MAML2: variants seen among roughly 807,000 people sequenced by gnomAD.
MAML2 encodes the protein mastermind like transcriptional coactivator 2.
Under a neutral mutation model 96.1 loss-of-function variants are expected in MAML2, and 22 were observed. The ratio of observed to expected loss-of-function variants is 0.23; its 90% CI spans 0.16 to 0.33. The LOEUF is 0.33. Ranked by LOEUF, MAML2 falls within the 10% of genes least tolerant of loss-of-function variation. The pLI is 1.00. For synonymous variants in MAML2, 561 were observed against 521.3 expected (o/e 1.08, Z -1.04); for missense variants, 1,367 against 1,392.4 (o/e 0.98, Z 0.29).
rs1175907999 is a variant in MAML2, at chr11:96,092,881, G to A, written c.1150C>T (p.Pro384Ser). The change falls in exon 2 of 5, where the codon CCC becomes TCC. Residue 384 changes from proline to serine, a missense_variant. Coordinates refer to ENST00000524717, the MANE Select transcript of MAML2 (RefSeq NM_032427.4). The surrounding 1 kb of genome is among the most constrained non-coding windows in gnomAD (Gnocchi z 4.1). ...QGPSGSPQLR[P>S]PSAGPAFSMA... ...GAGAATGCGGGGCCAGCTGATGGGG[G>A]CCTCAGCTGAGGAGAGCCTGAGGGG... 5 of 1,605,126 alleles carry A rather than the reference G, an allele frequency of 3.1e-6. No individual in the cohort carries two copies. Among genetic ancestry groups the A allele is most frequent in the Non-Finnish European group, 4.3e-6 (5 of 1,175,264 alleles).
intron 1 of MAML2, among the ~76,000 whole-genome samples, chr11:96,260,766 CTGTT>C (rs1862738393): frequency 6.6e-6 from 1 of 150,470 alleles, no homozygotes. Context: ...ATTTCTTACA[CTGTT>C]AGTCAGTTTT....
intron 2 of MAML2, among the ~76,000 whole-genome samples, chr11:96,009,056 G>A (rs1858229410): frequency 6.6e-6 from 1 of 152,128 alleles, no homozygotes; most frequent in Non-Finnish European, 1.5e-5. Context: ...AATATTTTGA[G>A]AGTTAACTAA....
intron 2 of MAML2, among the ~76,000 whole-genome samples, chr11:96,043,222 G>T (rs1487613133): frequency 6.6e-6 from 1 of 152,200 alleles, no homozygotes; most frequent in East Asian, 1.9e-4. Context: ...GAACACAAAA[G>T]ATCAGACACA....
Position 96,184,845 on chromosome 11 carries a change from C to T in MAML2, c.514-91328G>A, listed in dbSNP as rs189685831. 3.6e-4 allele frequency among the ~76,000 whole-genome samples: 55 copies of T among 152,186 alleles called. No homozygotes were observed. The East Asian group carries it at 9.7e-3, about 27-fold the overall frequency. On this transcript the variant is annotated intron_variant, in intron 1 of 4. Transcript: ENST00000524717. The stretch of plus-strand genomic sequence containing the variant: ...ACCTCGTGATCCAAAAGTGAGACCT[C>T]GGCCTCCCAAAGTGCTGGGATTACA...
chr11:96,266,600 G>T (rs1380796246), intron 1 of MAML2, among the ~76,000 whole-genome samples: 1 of 151,928 alleles, frequency 6.6e-6, no homozygotes, highest in Non-Finnish European at 1.5e-5. Flanking sequence ...CAACATATTG[G>T]TGCGATTCTG....
chr11:96,052,857 C>T (rs1198374234), intron 2 of MAML2, among the ~76,000 whole-genome samples: 1 of 152,216 alleles, frequency 6.6e-6, no homozygotes, highest in African/African-American at 2.4e-5. Flanking sequence ...TCCCTGGCTT[C>T]TTTGCCTAGA....
intron 1 of MAML2, among the ~76,000 whole-genome samples, chr11:96,121,702 A>G (rs1860343124): frequency 6.6e-6 from 1 of 151,782 alleles, no homozygotes; most frequent in South Asian, 2.1e-4. Context: ...AAAGAAAAAA[A>G]AGAGAGAAGA....
At chr11:96,163,077 A>AGCAAACTTCACGGGCTTCCTTT (rs1861138662) in intron 1 of MAML2, among the ~76,000 whole-genome samples, 1 of 152,222 alleles carries the variant, frequency 6.6e-6, no homozygotes, top group Non-Finnish European at 1.5e-5. Context: ...TCCTATGCCA[A>AGCAAACTTCACGGGCTTCCTTT]GCAAACTTCA....
intron 1 of MAML2, among the ~76,000 whole-genome samples, chr11:96,209,769 A>C (rs905634034): frequency 6.6e-6 from 1 of 152,216 alleles, no homozygotes; most frequent in East Asian, 1.9e-4. Flanking sequence ...TAACAGTGCC[A>C]CGAAACTATC....
intron 1 of MAML2, among the ~76,000 whole-genome samples, chr11:96,216,131 T>C (rs1862046946): frequency 6.6e-6 from 1 of 152,098 alleles, no homozygotes; most frequent in African/African-American, 2.4e-5. Flanking sequence ...AAGTTGGTAG[T>C]TGGTAATCTC....
intron 1 of MAML2, among the ~76,000 whole-genome samples, chr11:96,165,113 T>A (rs538549839): frequency 1.3e-5 from 2 of 152,242 alleles, no homozygotes; most frequent in South Asian, 4.1e-4. Flanking sequence ...TAGGCATGCA[T>A]ATGCACAATA....
intron 1 of MAML2, among the ~76,000 whole-genome samples, chr11:96,297,847 T>C (rs545520764): frequency 4.2e-4 from 64 of 152,310 alleles, no homozygotes; most frequent in Non-Finnish European, 1.2e-4. Flanking sequence ...TCTCTAAAAA[T>C]ATTTTCTTTA....
At chr11:96,290,450 G>C (rs985926811) in intron 1 of MAML2, among the ~76,000 whole-genome samples, 2 of 152,170 alleles carry the variant, frequency 1.3e-5, no homozygotes, top group East Asian at 3.9e-4. Flanking sequence ...AATTAGCATA[G>C]TTCATTCCCA....
chr11:95,992,032 G>A (rs763391767), intron 2 of MAML2, among the ~76,000 whole-genome samples: 1 of 152,152 alleles, frequency 6.6e-6, no homozygotes. Flanking sequence ...AAAACATATG[G>A]CAAACCTCTC....
At chr11:96,243,035 G>GAC (rs34648958) in intron 1 of MAML2, among the ~76,000 whole-genome samples, 7,880 of 150,040 alleles carry the variant, frequency 0.053, 659 homozygotes, top group African/African-American at 0.18. Flanking sequence ...CCAGTTCAGG[G>GAC]ACACACACAC....
chr11:96,093,519 T>G lies in MAML2; in HGVS notation c.514-2A>C, dbSNP rs760300321. 6.3e-7 allele frequency: 1 copy of G among 1,581,658 alleles called. No individual in the cohort carries two copies. Among genetic ancestry groups the G allele is most frequent in the Non-Finnish European group, 8.6e-7 (1 of 1,163,138 alleles). ...TTTTCTTTTCAAGGAACCCTGGAGCTGAAAGACAGAAGGGAATAAAAAGGA... is the reference window on the plus strand; with the variant it reads ...TTTTCTTTTCAAGGAACCCTGGAGCGGAAAGACAGAAGGGAATAAAAAGGA... On this transcript the variant is annotated splice_acceptor_variant, in intron 1 of 4. Transcript: ENST00000524717. LOFTEE classifies it high-confidence loss of function.
At chr11:96,254,688 T>C (rs1017206849) in intron 1 of MAML2, among the ~76,000 whole-genome samples, 2 of 152,004 alleles carry the variant, frequency 1.3e-5, no homozygotes, top group Admixed American at 6.5e-5. Context: ...ACAACCAAGA[T>C]TGCCAAAAGA....
chr11:96,093,602 T>G (rs1859774669), intron 1 of MAML2, 85 bp from the exon 2 acceptor site: 3 of 1,021,880 alleles, frequency 2.9e-6, no homozygotes. Context: ...GATATTTAAA[T>G]GTTTCTTCTA....
intron 2 of MAML2, among the ~76,000 whole-genome samples, chr11:95,994,892 AC>A (rs771908832): frequency 6.6e-6 from 1 of 152,312 alleles, no homozygotes; most frequent in Non-Finnish European, 1.5e-5. Context: ...AGATAGGTCC[AC>A]CTTGGTTCAT....
Sources: gnomAD v4.1 joint callset for allele counts (sites outside exome capture counted in the v4.1 genomes callset) on GRCh38, gnomAD v4.1.1 for gene constraint, Gnocchi (gnomAD v3.1) non-coding constraint, MANE v1.5 for transcripts, NCBI Gene and HGNC (gene_info 2026-07-23, HGNC 2026-07-21) for gene names.